ABHD6: variants seen among roughly 807,000 people sequenced by gnomAD.
ABHD6 encodes abhydrolase domain containing 6, acylglycerol lipase.
A neutral mutation model predicts 38.8 loss-of-function variants in ABHD6; 33 were observed. That is an observed-to-expected ratio of 0.85 (90% CI 0.64 to 1.14). The LOEUF (loss-of-function observed/expected upper bound fraction) is 1.14, where lower values mean the gene tolerates loss of function less well. Among genes scored for constraint, ABHD6 ranks in the 50% most tolerant of loss-of-function variants. ABHD6 has a pLI of 0.00. For missense variants in ABHD6, 380 were observed against 422.6 expected (o/e 0.90, Z 0.88); for synonymous variants, 147 against 161.6 (o/e 0.91, Z 0.69).
rs2097433872 is a variant in ABHD6 at position 58,257,062 on chromosome 3, G to A, written c.119+357G>A. On this transcript the variant is annotated intron_variant, in intron 3 of 9. Coordinates refer to ENST00000478253, the MANE Select transcript of ABHD6 (RefSeq NM_001320126.2). The surrounding 1 kb of genome is among the most constrained non-coding windows in gnomAD (Gnocchi z 4.8). Reference sequence around the variant, plus strand: ...AGATTTTACAGGTGTATGCCACCACGCCCGGCTAATTTTTTTTGTATTTTT... The same window carrying A: ...AGATTTTACAGGTGTATGCCACCACACCCGGCTAATTTTTTTTGTATTTTT... Among the ~76,000 whole-genome samples, 1 of 151,906 alleles carries A rather than the reference G, an allele frequency of 6.6e-6. No individual in the cohort carries two copies. The highest frequency in any genetic ancestry group is 2.4e-5 in the African/African-American group (1 of 41,344).
rs566247462 is a variant in ABHD6, at chr3:58,266,943, C to T, written c.120-246C>T. On this transcript the variant is annotated intron_variant, in intron 3 of 9. Transcript: ENST00000478253. The surrounding 1 kb of genome is among the most constrained non-coding windows in gnomAD (Gnocchi z 4.0). ...CTTCTTAAGAAAACACCGCATTTCC[C>T]TTCCTAGAGTGATTAGTAAAATATA... Among the ~76,000 whole-genome samples, 4 of 152,310 alleles carry T rather than the reference C, an allele frequency of 2.6e-5. No homozygotes were observed. The highest frequency in any genetic ancestry group is 7.2e-5 in the African/African-American group (3 of 41,572).
chr3:58,285,030 G>A lies in ABHD6; in HGVS notation c.682-55G>A. On this transcript the variant is annotated intron_variant, in intron 7 of 9. Transcript: ENST00000478253. The surrounding 1 kb of genome is among the most constrained non-coding windows in gnomAD (Gnocchi z 4.9). The stretch of plus-strand genomic sequence containing the variant: ...CATTCATTGTCCCAGAGCTGTGAGA[G>A]GCCTGAGGAAATGAATCTTCTCTTG... 1.3e-6 allele frequency: 2 copies of A among 1,530,130 alleles called. No individual in the cohort carries two copies. The highest frequency in any genetic ancestry group is 1.8e-6 in the Non-Finnish European group (2 of 1,103,582). The allele number at this position is 1,530,130 out of a possible 1,614,324, so 94.8% of individuals were successfully genotyped here. A position where few individuals can be genotyped will look rare whatever the true frequency, so the allele number is the denominator to read the frequency against.
rs1302341294 is a variant in ABHD6, at chr3:58,285,316, C to A, written c.737-37C>A. On this transcript the variant is annotated intron_variant, in intron 8 of 9. Transcript: ENST00000478253. The surrounding 1 kb of genome is among the most constrained non-coding windows in gnomAD (Gnocchi z 4.9). The stretch of plus-strand genomic sequence containing the variant: ...TCTGCGGTGGTGCCACAGGCACAGT[C>A]CAGCACATACTCACTTTGTTTTCCT... 2 of 1,601,072 alleles carry A rather than the reference C, an allele frequency of 1.2e-6. No homozygotes were observed. The highest frequency in any genetic ancestry group is 1.7e-6 in the Non-Finnish European group (2 of 1,168,238).
chr3:58,265,915 A>G lies in ABHD6; in HGVS notation c.120-1274A>G, dbSNP rs1053085723. On this transcript the variant is annotated intron_variant, in intron 3 of 9. Coordinates refer to ENST00000478253, the MANE Select transcript of ABHD6 (RefSeq NM_001320126.2). The surrounding 1 kb of genome is among the most constrained non-coding windows in gnomAD (Gnocchi z 4.2). ...TATGAAGGCAAAACTGTCAGGGCCT[A>G]ATTACCTCTTAACAGTCCCACTTCA... Among the ~76,000 whole-genome samples, 1 of 152,218 alleles carries G rather than the reference A, an allele frequency of 6.6e-6. No individual in the cohort carries two copies. The highest frequency in any genetic ancestry group is 1.5e-5 in the Non-Finnish European group (1 of 68,050).
At chr3:58,241,645 C>G (rs1018169307) in intron 1 of ABHD6, among the ~76,000 whole-genome samples, 9 of 152,156 alleles carry the variant, frequency 5.9e-5, no homozygotes, top group Non-Finnish European at 1.0e-4. Context: ...ATGATGAAGT[C>G]TGGGGATGGG....
At chr3:58,290,157 CGGGCGGGGGGCT>C (rs1559785779) in intron 9 of ABHD6, among the ~76,000 whole-genome samples, 12 of 104,414 alleles carry the variant, frequency 1.1e-4, no homozygotes, top group South Asian at 3.5e-4. Context: ...GGCGGCTGGC[CGGGCGGGGGGCT>C]GACCCCCCCA....
intron 7 of ABHD6, among the ~76,000 whole-genome samples, chr3:58,277,263 C>T (rs1008480212): frequency 6.6e-6 from 1 of 152,168 alleles, no homozygotes; most frequent in Admixed American, 6.5e-5. Flanking sequence ...AATGTTGTTC[C>T]ATTTGTTAGC....
chr3:58,288,188 A>G (rs188356061), intron 9 of ABHD6, among the ~76,000 whole-genome samples: 39 of 152,266 alleles, frequency 2.6e-4, no homozygotes, highest in Admixed American at 1.3e-3. Flanking sequence ...TTGCCTCCCA[A>G]GCTCGCTGGC....
rs1424375478 is a variant in ABHD6 at position 58,290,827 on chromosome 3, C to G, written c.838-2762C>G. On this transcript the variant is annotated intron_variant, in intron 9 of 9. Transcript: ENST00000478253. ...CTCACTTCCTAGATGGGATGGCGGC[C>G]GGGAAGAGGCGCTCCTCACTTCCTA... Among the ~76,000 whole-genome samples the G allele has an allele frequency of 5.9e-3, 870 of 147,706 alleles. 8 individuals carry two copies. Among genetic ancestry groups the G allele is most frequent in the African/African-American group, 0.021 (828 of 39,978 alleles).
In ABHD6 at chr3:58,238,105, G is replaced by C. The variant is rs2097420345; in HGVS notation, c.-91+189G>C. ...CCCCCACCTCCCGCTGCCTGGATAG[G>C]TTTGAGATGCCCGAAACCCGGCGCC... On this transcript the variant is annotated intron_variant, in intron 1 of 9. Transcript: ENST00000478253. This position sits in a 1 kb window ranked among gnomAD's most constrained non-coding sequence, Gnocchi z 6.9. 6.6e-6 allele frequency: 1 copy of C among 152,442 alleles called. No homozygotes were observed. Among genetic ancestry groups the C allele is most frequent in the South Asian group, 2.1e-4 (1 of 4,836 alleles). The allele number at this position is 152,442 out of a possible 1,614,324, so 9.4% of individuals were successfully genotyped here.
At chr3:58,248,842 A>C (rs899837267) in intron 1 of ABHD6, among the ~76,000 whole-genome samples, 1 of 152,246 alleles carries the variant, frequency 6.6e-6, no homozygotes, top group Non-Finnish European at 1.5e-5. Context: ...ATTTTTCCAT[A>C]GCCTCAGCAG....
chr3:58,292,004 C>T (rs1373606578), intron 9 of ABHD6, among the ~76,000 whole-genome samples: 1 of 152,240 alleles, frequency 6.6e-6, no homozygotes, highest in African/African-American at 2.4e-5. Context: ...ATGCTGTTTT[C>T]ACCTATTGAC....
chr3:58,291,844 G>A (rs2097463274), intron 9 of ABHD6, among the ~76,000 whole-genome samples: 1 of 152,158 alleles, frequency 6.6e-6, no homozygotes, highest in African/African-American at 2.4e-5. Context: ...GCTACCTGGG[G>A]GGCACTGAGG....
At position 58,266,539 on chromosome 3, in the gene ABHD6, CCT is replaced by C. The variant is rs2107450091; in HGVS notation, c.120-645_120-644del. On this transcript the variant is annotated intron_variant, in intron 3 of 9. Transcript: ENST00000478253. This position sits in a 1 kb window ranked among gnomAD's most constrained non-coding sequence, Gnocchi z 4.0. ...AGTAAATGAATATATATCTTCTCTC[CCT>C]CTCTGCTTATTTTACACAAAGAGTT... is the stretch of plus-strand genomic sequence containing the variant. 6.6e-6 allele frequency among the ~76,000 whole-genome samples: 1 copy of C among 151,878 alleles called. No individual in the cohort carries two copies. Among genetic ancestry groups the C allele is most frequent in the South Asian group, 2.1e-4 (1 of 4,824 alleles).
At chr3:58,271,368 T>C (rs1345468853) in intron 6 of ABHD6, among the ~76,000 whole-genome samples, 1 of 152,130 alleles carries the variant, frequency 6.6e-6, no homozygotes, top group Non-Finnish European at 1.5e-5. Context: ...AGGTGGTTGA[T>C]TAAAATGTAT....
chr3:58,275,258 T>G (rs2097447919), intron 7 of ABHD6, among the ~76,000 whole-genome samples: 1 of 150,250 alleles, frequency 6.7e-6, no homozygotes, highest in African/African-American at 2.5e-5. Context: ...GAAGATGGAG[T>G]TAGAAAGGGA....
At position 58,293,945 on chromosome 3, in the gene ABHD6, C is replaced by T. The variant is rs11706920; in HGVS notation, c.*180C>T. 0.072 allele frequency: 40,106 copies of T among 557,336 alleles called. 1,823 individuals are homozygous for T. Among genetic ancestry groups the T allele is most frequent in the Middle Eastern group, 0.11 (233 of 2,074 alleles). The allele number at this position is 557,336 out of a possible 1,614,324, so 34.5% of individuals were successfully genotyped here. On this transcript the variant is annotated 3_prime_UTR_variant, in exon 10 of 10. Coordinates refer to ENST00000478253, the MANE Select transcript of ABHD6 (RefSeq NM_001320126.2). This position sits in a 1 kb window ranked among gnomAD's most constrained non-coding sequence, Gnocchi z 4.4. ...CAGAGCTTTGGGGACCACGCGAAAA[C>T]CTCCAAGATATTTTTCACAAAATAG...
rs1007169335 is a variant in ABHD6, at chr3:58,264,426, C to T, written c.120-2763C>T. On this transcript the variant is annotated intron_variant, in intron 3 of 9. Transcript: ENST00000478253. ...ACACACACACACACACACACACACA[C>T]ACACACACACACACACACATATGCC... Among the ~76,000 whole-genome samples, 500 of 138,328 alleles carry T rather than the reference C, an allele frequency of 3.6e-3. 4 individuals carry two copies. The highest frequency in any genetic ancestry group is 0.015 in the African/African-American group (463 of 31,578). The allele number at this position is 138,328 out of a possible 152,430, so 90.7% of individuals were successfully genotyped here.
chr3:58,263,138 G>A lies in ABHD6; in HGVS notation c.120-4051G>A, dbSNP rs746157139. On this transcript the variant is annotated intron_variant, in intron 3 of 9. Coordinates refer to ENST00000478253, the MANE Select transcript of ABHD6 (RefSeq NM_001320126.2). The surrounding 1 kb of genome is among the most constrained non-coding windows in gnomAD (Gnocchi z 4.9). Reference sequence around the variant, plus strand: ...TGGGAGAATCGTTTGAAAGCAGAAGGTGGAGGTTGCAGTGAGCCGAGATCA... The same window carrying A: ...TGGGAGAATCGTTTGAAAGCAGAAGATGGAGGTTGCAGTGAGCCGAGATCA... Among the ~76,000 whole-genome samples the A allele has an allele frequency of 3.3e-4, 51 of 152,284 alleles. No individual in the cohort carries two copies. Among genetic ancestry groups the A allele is most frequent in the Non-Finnish European group, 5.4e-4 (37 of 68,024 alleles).
Sources: gnomAD v4.1 joint callset for allele counts (sites outside exome capture counted in the v4.1 genomes callset) on GRCh38, gnomAD v4.1.1 for gene constraint, Gnocchi (gnomAD v3.1) non-coding constraint, MANE v1.5 for transcripts, NCBI Gene and HGNC (gene_info 2026-07-23, HGNC 2026-07-21) for gene names.